TMEM45B: variants seen among roughly 807,000 people sequenced by gnomAD.
TMEM45B encodes the protein transmembrane protein 45B.
In TMEM45B, 29 loss-of-function variants were observed where a neutral mutation model predicts 27.3. The observed-to-expected ratio is 1.06, with a 90% CI of 0.79 to 1.45. TMEM45B has a LOEUF of 1.45. TMEM45B is among the 40% of genes most tolerant of loss of function. The probability of loss-of-function intolerance (pLI) is 0.00; values close to 1 mark genes in which losing one functional copy is unlikely to be tolerated. For missense variants in TMEM45B, 348 were observed against 343.9 expected (o/e 1.01, Z -0.09); for synonymous variants, 143 against 134.7 (o/e 1.06, Z -0.43).
At chr11:129,827,308 C>T (rs1445896857) in intron 1 of TMEM45B, among the ~76,000 whole-genome samples, 4 of 152,210 alleles carry the variant, frequency 2.6e-5, no homozygotes, top group Admixed American at 2.6e-4. Flanking sequence ...TAGCCTACTA[C>T]ACATCTAGGC....
Position 129,837,585 on chromosome 11 carries a change from C to CTTTTT in TMEM45B, c.-8-14879_-8-14875dup, listed in dbSNP as rs200040338. ...TACAGGCATGAGCCACTGCACTGGG[C>CTTTTT]TTTTTTTTTTTTTTTGAGACAGGGT... is the stretch of plus-strand genomic sequence containing the variant. On this transcript the variant is annotated intron_variant, in intron 1 of 5. Transcript: ENST00000281441. 8.8e-4 allele frequency among the ~76,000 whole-genome samples: 71 copies of CTTTTT among 80,282 alleles called. 10 individuals carry two copies. Among genetic ancestry groups the CTTTTT allele is most frequent in the Middle Eastern group, 7.6e-3 (1 of 132 alleles). 52.7% of individuals were successfully genotyped at this position (80,282 alleles called of 152,430 possible).
chr11:129,819,183 C>G (rs1346501052), intron 1 of TMEM45B, among the ~76,000 whole-genome samples: 1 of 152,198 alleles, frequency 6.6e-6, no homozygotes, highest in African/African-American at 2.4e-5. Context: ...TTGTCTTATT[C>G]CTAGCACAGT....
intron 1 of TMEM45B, among the ~76,000 whole-genome samples, chr11:129,838,893 A>G (rs1947656756): frequency 6.6e-6 from 1 of 152,316 alleles, no homozygotes; most frequent in South Asian, 2.1e-4. Flanking sequence ...AAAATAAGGG[A>G]AAATTCCTGC....
intron 1 of TMEM45B, among the ~76,000 whole-genome samples, chr11:129,851,668 C>A (rs1688492629): frequency 6.6e-6 from 1 of 151,874 alleles, no homozygotes; most frequent in Non-Finnish European, 1.5e-5. Flanking sequence ...CCTACATATT[C>A]TTTAGGTAAC....
At chr11:129,826,712 T>TC (rs1947488083) in intron 1 of TMEM45B, among the ~76,000 whole-genome samples, 1 of 41,448 alleles carries the variant, frequency 2.4e-5, no homozygotes, top group African/African-American at 6.5e-5. Flanking sequence ...TTTGTTTTTC[T>TC]TTTTTTTTTT....
At chr11:129,852,002 C>T (rs1180608715) in intron 1 of TMEM45B, among the ~76,000 whole-genome samples, 1 of 152,178 alleles carries the variant, frequency 6.6e-6, no homozygotes, top group Non-Finnish European at 1.5e-5. Context: ...TGTCTTCTGC[C>T]TATTCTTCTA....
chr11:129,825,141 A>G (rs1427371655), intron 1 of TMEM45B, among the ~76,000 whole-genome samples: 22 of 152,340 alleles, frequency 1.4e-4, no homozygotes, highest in Admixed American at 3.3e-4. Context: ...GAATTCATGG[A>G]CAGCAGGACT....
intron 1 of TMEM45B, among the ~76,000 whole-genome samples, chr11:129,832,772 G>A (rs1331879843): frequency 6.6e-6 from 1 of 152,102 alleles, no homozygotes; most frequent in Non-Finnish European, 1.5e-5. Context: ...AAGTAGAAGA[G>A]TAATGGCAAG....
chr11:129,855,570 G>C (rs927491462), intron 3 of TMEM45B, 138 bp from the exon 4 acceptor site: 2 of 769,722 alleles, frequency 2.6e-6, no homozygotes, highest in African/African-American at 1.7e-5. Flanking sequence ...ACACTTACTC[G>C]CATCTGTTTG....
chr11:129,844,269 G>A (rs1565369670), intron 1 of TMEM45B, among the ~76,000 whole-genome samples: 1 of 152,142 alleles, frequency 6.6e-6, no homozygotes, highest in African/African-American at 2.4e-5. Flanking sequence ...AAACAGAATA[G>A]AATACCTGTT....
At chr11:129,839,708 T>G (rs749218430) in intron 1 of TMEM45B, among the ~76,000 whole-genome samples, 1 of 152,030 alleles carries the variant, frequency 6.6e-6, no homozygotes, top group Non-Finnish European at 1.5e-5. Flanking sequence ...CCCAGGTAAT[T>G]TATTTTTAGT....
chr11:129,823,250 A>G (rs1947441978), intron 1 of TMEM45B, among the ~76,000 whole-genome samples: 2 of 152,320 alleles, frequency 1.3e-5, no homozygotes, highest in South Asian at 2.1e-4. Context: ...AGTGATCATC[A>G]AAACTTGGAG....
intron 3 of TMEM45B, among the ~76,000 whole-genome samples, chr11:129,855,467 C>T (rs1330214928): frequency 6.6e-6 from 1 of 152,202 alleles, no homozygotes; most frequent in African/African-American, 2.4e-5. Context: ...CATGCTTCAG[C>T]CGGCCCATCC....
chr11:129,840,421 G>A (rs1426236863), intron 1 of TMEM45B, among the ~76,000 whole-genome samples: 2 of 152,190 alleles, frequency 1.3e-5, no homozygotes, highest in African/African-American at 4.8e-5. Context: ...AGGAAGTGCA[G>A]GGAGGAGGGA....
intron 1 of TMEM45B, among the ~76,000 whole-genome samples, chr11:129,837,600 T>TTTTTTTTTTTTA (rs1591441385): frequency 7.5e-6 from 1 of 133,254 alleles, no homozygotes; most frequent in African/African-American, 2.7e-5. Flanking sequence ...TTTTTTTTTT[T>TTTTTTTTTTTTA]GAGACAGGGT....
intron 1 of TMEM45B, among the ~76,000 whole-genome samples, chr11:129,827,620 A>G (rs1233991282): frequency 6.6e-6 from 1 of 152,110 alleles, no homozygotes; most frequent in Non-Finnish European, 1.5e-5. Context: ...CCTGACCAAC[A>G]TGGAGAAACC....
At chr11:129,834,212 C>T (rs1446965076) in intron 1 of TMEM45B, among the ~76,000 whole-genome samples, 1 of 152,164 alleles carries the variant, frequency 6.6e-6, no homozygotes, top group Admixed American at 6.5e-5. Context: ...AGGCGGATCA[C>T]TTGAGGTCAG....
At chr11:129,825,562 C>T (rs1947468041) in intron 1 of TMEM45B, among the ~76,000 whole-genome samples, 1 of 152,124 alleles carries the variant, frequency 6.6e-6, no homozygotes, top group African/African-American at 2.4e-5. Context: ...TGGGAGTCAC[C>T]ATTGTGCAAG....
At chr11:129,822,297 A>G (rs1947428336) in intron 1 of TMEM45B, among the ~76,000 whole-genome samples, 1 of 152,158 alleles carries the variant, frequency 6.6e-6, no homozygotes, top group African/African-American at 2.4e-5. Context: ...AGTTTTCTTC[A>G]GCTACCTACA....
Sources: allele counts gnomAD v4.1 joint callset (sites outside exome capture counted in the v4.1 genomes callset), GRCh38; gene constraint gnomAD v4.1.1; transcripts MANE v1.5; gene names NCBI Gene and HGNC (gene_info 2026-07-23, HGNC 2026-07-21).